The following PNPLA7 variants were observed in gnomAD, a reference collection of about 807,000 sequenced individuals.
PNPLA7 encodes patatin like domain 7, lysophospholipase, also known as patatin-like phospholipase domain-containing protein 7.
Under a neutral mutation model 161.7 loss-of-function variants are expected in PNPLA7, and 153 were observed. That is an observed-to-expected ratio of 0.95 (90% CI 0.83 to 1.08). PNPLA7 has a LOEUF of 1.08. Among genes scored for constraint, PNPLA7 ranks in the 50% least tolerant of loss-of-function variants. PNPLA7 has a pLI of 0.00. For synonymous variants in PNPLA7, 809 were observed against 782.1 expected, an observed-to-expected ratio of 1.03 and a Z score of -0.57; for missense variants, 1,739 against 1,856.6, an observed-to-expected ratio of 0.94 and a Z score of 1.16.
chr9:137,525,897 G>A (rs1435663619), intron 8 of PNPLA7, among the ~76,000 whole-genome samples: 1 of 150,318 alleles, frequency 6.7e-6, no homozygotes, highest in East Asian at 1.9e-4. Flanking sequence ...CCCTCTAGTG[G>A]CCCTGTCTGG....
At position 137,547,058 on chromosome 9, in the gene PNPLA7, G is replaced by T; in HGVS notation, c.194-149C>A. 1.3e-6 allele frequency: 1 copy of T among 783,834 alleles called. No homozygotes were observed. Among genetic ancestry groups the T allele is most frequent in the Non-Finnish European group, 2.1e-6 (1 of 481,018 alleles). The allele number at this position is 783,834 out of a possible 1,614,324, so 48.6% of individuals were successfully genotyped here. ...ATGAGGGAAGAGGGCCTGAGTGACAGGCTCATCTCCAACAAAGGGGGCTCT... is the reference window on the plus strand; with the variant it reads ...ATGAGGGAAGAGGGCCTGAGTGACATGCTCATCTCCAACAAAGGGGGCTCT... On this transcript the variant is annotated intron_variant, in intron 3 of 34. Coordinates refer to ENST00000406427, the MANE Select transcript of PNPLA7 (RefSeq NM_001098537.3). The surrounding 1 kb of genome is among the most constrained non-coding windows in gnomAD (Gnocchi z 4.6).
At position 137,461,927 on chromosome 9, in the gene PNPLA7, T is replaced by C. The variant is rs1367046480; in HGVS notation, c.3756+4A>G. The C allele has an allele frequency of 6.4e-7, 1 of 1,562,318 alleles. No homozygotes were observed. The highest frequency in any genetic ancestry group is 1.2e-5 in the South Asian group (1 of 84,992). On this transcript the variant is annotated splice_donor_region_variant and intron_variant, in intron 32 of 34. Coordinates refer to ENST00000406427, the MANE Select transcript of PNPLA7 (RefSeq NM_001098537.3). ...CTGGGCGTGGTCCGGACGCCCGTAC[T>C]CACCGCACTCGCGGGCTTCTTGCTC...
chr9:137,505,943 G>T, intron 13 of PNPLA7, 40 bp downstream of exon 13: 1 of 1,574,212 alleles, frequency 6.4e-7, no homozygotes, highest in East Asian at 2.3e-5. Context: ...GGAGAGGGTG[G>T]GGCCCCAGGC....
intron 26 of PNPLA7, among the ~76,000 whole-genome samples, chr9:137,465,389 G>C (rs776203901): frequency 7.2e-5 from 11 of 152,276 alleles, no homozygotes; most frequent in African/African-American, 2.6e-4. Flanking sequence ...CCAGCCCAGA[G>C]AGCTCTGGCC....
Position 137,501,682 on chromosome 9 carries a change from C to G in PNPLA7, c.1519G>C (p.Ala507Pro). Residue 507 changes from alanine to proline, a missense_variant, in exon 15 of 35, where the codon GCA becomes CCA. Ala to Pro is a conservative substitution (Grantham distance 27). Around this residue, in one of 6 missense-constraint regions of PNPLA7, gnomAD observed 481 missense variants for 450.0 expected, o/e 1.07. Coordinates refer to ENST00000406427, the MANE Select transcript of PNPLA7 (RefSeq NM_001098537.3). ...CCCTGCCTTGACACCACCGTGCCTG[C>G]AGGAACGTGCAGAAGCGCCACCCGG... ...DGRVALLHVP[A>P]GTVVSRQGDQ... 1 of 1,612,596 alleles carries G rather than the reference C, an allele frequency of 6.2e-7. No individual in the cohort carries two copies. The highest frequency in any genetic ancestry group is 8.5e-7 in the Non-Finnish European group (1 of 1,179,876).
chr9:137,530,860 A>C (rs1835548206), intron 8 of PNPLA7, among the ~76,000 whole-genome samples: 1 of 152,158 alleles, frequency 6.6e-6, no homozygotes, highest in South Asian at 2.1e-4. Context: ...ACCTTCCTGC[A>C]CGAGGCCACA....
At chr9:137,513,380 G>A (rs1260038615) in intron 12 of PNPLA7, among the ~76,000 whole-genome samples, 1 of 151,782 alleles carries the variant, frequency 6.6e-6, no homozygotes. Context: ...ATAGGCTGAG[G>A]CAGGAGAATC....
chr9:137,462,906 C>T (rs1831288417), intron 29 of PNPLA7, 73 bp from the exon 30 acceptor site: 18 of 1,580,438 alleles, frequency 1.1e-5, no homozygotes, highest in Non-Finnish European at 1.6e-5. Context: ...GAGCCTGCCT[C>T]TCCGAGCCCT....
rs1832710598 is a variant in PNPLA7 at position 137,490,440 on chromosome 9, T to C, written c.2197+2573A>G. ...TAGAGAGAAATGATGCGTTACCTAC[T>C]GGAGAACATCTGGATACCTGGATCC... is the stretch of plus-strand genomic sequence containing the variant. On this transcript the variant is annotated intron_variant, in intron 20 of 34. Coordinates refer to ENST00000406427, the MANE Select transcript of PNPLA7 (RefSeq NM_001098537.3). This position sits in a 1 kb window ranked among gnomAD's most constrained non-coding sequence, Gnocchi z 4.1. 6.6e-6 allele frequency among the ~76,000 whole-genome samples: 1 copy of C among 152,198 alleles called. No homozygotes were observed. The highest frequency in any genetic ancestry group is 6.5e-5 in the Admixed American group (1 of 15,274).
chr9:137,488,721 C>A (rs575843241), intron 20 of PNPLA7, among the ~76,000 whole-genome samples: 9 of 141,978 alleles, frequency 6.3e-5, no homozygotes, highest in African/African-American at 1.8e-4. Context: ...GACATCCCCC[C>A]CCAACTGTGC....
At chr9:137,526,602 G>A (rs1249454993) in intron 8 of PNPLA7, among the ~76,000 whole-genome samples, 3 of 152,154 alleles carry the variant, frequency 2.0e-5, no homozygotes, top group African/African-American at 7.2e-5. Context: ...TAGTACAAAT[G>A]TGAATTGTTC....
intron 12 of PNPLA7, among the ~76,000 whole-genome samples, chr9:137,510,615 T>G (rs1449751295): frequency 6.6e-6 from 1 of 152,192 alleles, no homozygotes; most frequent in African/African-American, 2.4e-5. Context: ...CAGCCAGACA[T>G]TCGGGGCCAC....
At chr9:137,519,451 G>T (rs1383080330) in intron 11 of PNPLA7, among the ~76,000 whole-genome samples, 1 of 152,238 alleles carries the variant, frequency 6.6e-6, no homozygotes, top group Non-Finnish European at 1.5e-5. Flanking sequence ...AGGGTGAAGG[G>T]TCCTGGGCCT....
Position 137,541,812 on chromosome 9 carries a change from C to T in PNPLA7, c.666+830G>A, listed in dbSNP as rs182266955. Reference sequence around the variant, plus strand: ...TTTTTTTTTTTTTGAGACAGGGTCTCGCTCTGTCGCCCAGGCTGGAGTGCA... The same window carrying T: ...TTTTTTTTTTTTTGAGACAGGGTCTTGCTCTGTCGCCCAGGCTGGAGTGCA... On this transcript the variant is annotated intron_variant, in intron 7 of 34. Coordinates refer to ENST00000406427, the MANE Select transcript of PNPLA7 (RefSeq NM_001098537.3). The surrounding 1 kb of genome is among the most constrained non-coding windows in gnomAD (Gnocchi z 4.4). Among the ~76,000 whole-genome samples, 150 of 152,004 alleles carry T rather than the reference C, an allele frequency of 9.9e-4. 1 individual carries two copies. Among genetic ancestry groups the T allele is most frequent in the South Asian group, 4.6e-3 (22 of 4,810 alleles).
intron 8 of PNPLA7, among the ~76,000 whole-genome samples, chr9:137,531,858 A>G (rs1223499013): frequency 5.3e-5 from 8 of 152,156 alleles, no homozygotes; most frequent in African/African-American, 1.7e-4. Flanking sequence ...GGCAGTGTGC[A>G]TCTAACCTGT....
At chr9:137,510,490 C>A (rs751610938) in intron 12 of PNPLA7, among the ~76,000 whole-genome samples, 1 of 152,226 alleles carries the variant, frequency 6.6e-6, no homozygotes, top group Non-Finnish European at 1.5e-5. Context: ...GGCTGCCAGG[C>A]AGGGAAGGGC....
chr9:137,500,838 C>G lies in PNPLA7; in HGVS notation c.1610G>C (p.Gly537Ala), dbSNP rs1833363004. Residue 537 changes from glycine (G) to alanine (A), a missense_variant, in exon 16 of 35, where the codon GGC (glycine) becomes GCC (alanine). By Grantham distance (60) the Gly-to-Ala change is moderately conservative. Coordinates refer to ENST00000406427, the MANE Select transcript of PNPLA7 (RefSeq NM_001098537.3). This position sits in a 1 kb window ranked among gnomAD's most constrained non-coding sequence, Gnocchi z 5.5. ...GAACAAGCAGGTGTCCTCCTGGCTG[C>G]CGATCTTCCGCTGGTACACGTGCAG... ...GLLHVYQRKI[G>A]SQEDTCLFLT... is the part of the protein sequence containing the mutation. 5.6e-6 allele frequency: 9 copies of G among 1,599,340 alleles called. No individual in the cohort carries two copies. The highest frequency in any genetic ancestry group is 7.7e-6 in the Non-Finnish European group (9 of 1,174,942).
intron 26 of PNPLA7, 146 bp from the exon 27 acceptor site, chr9:137,464,602 C>T: frequency 1.3e-6 from 1 of 752,784 alleles, no homozygotes; most frequent in Non-Finnish European, 2.2e-6. Flanking sequence ...AGGCTTGGCG[C>T]CCTGGCTGGA....
chr9:137,498,015 T>A, intron 17 of PNPLA7, 99 bp downstream of exon 17: 1 of 1,524,750 alleles, frequency 6.6e-7, no homozygotes. Context: ...CCACAGTAAC[T>A]TCCGTGTGTG....
Sources: gnomAD v4.1 joint callset for allele counts (sites outside exome capture counted in the v4.1 genomes callset) on GRCh38, gnomAD v4.1.1 for gene constraint, gnomAD v4.1.1 regional missense constraint, Gnocchi (gnomAD v3.1) non-coding constraint, MANE v1.5 for transcripts, NCBI Gene and HGNC (gene_info 2026-07-23, HGNC 2026-07-21) for gene names.